The following ARL15 variants were observed in gnomAD, a reference collection of about 807,000 sequenced individuals.
ARL15 encodes the protein ARF like GTPase 15.
ARL15 carries 19 observed loss-of-function variants against 25.2 expected under a neutral mutation model. That is an observed-to-expected ratio of 0.75 (90% CI 0.53 to 1.10). The LOEUF (loss-of-function observed/expected upper bound fraction) is 1.10, where lower values mean the gene tolerates loss of function less well. Ranked by LOEUF, ARL15 falls within the 50% of genes least tolerant of loss-of-function variation. The pLI, the probability that ARL15 is intolerant of heterozygous loss-of-function variation, is 0.00. For synonymous variants in ARL15, 94 were observed against 86.8 expected (o/e 1.08, Z -0.46); for missense variants, 220 against 246.0 (o/e 0.89, Z 0.71).
intron 3 of ARL15, among the ~76,000 whole-genome samples, chr5:54,124,446 C>T (rs548920889): frequency 6.6e-6 from 1 of 152,102 alleles, no homozygotes; most frequent in African/African-American, 2.4e-5. Flanking sequence ...AAATGACTGA[C>T]CACAGAAAAA....
At chr5:54,242,572 C>T (rs948434933) in intron 1 of ARL15, among the ~76,000 whole-genome samples, 8 of 152,158 alleles carry the variant, frequency 5.3e-5, no homozygotes, top group Non-Finnish European at 1.2e-4. Context: ...GTTGAAACTA[C>T]TGGGAACAAA....
At chr5:53,953,027 T>C (rs1379903311) in intron 4 of ARL15, among the ~76,000 whole-genome samples, 2 of 152,242 alleles carry the variant, frequency 1.3e-5, no homozygotes, top group Non-Finnish European at 2.9e-5. Context: ...TTCACTTTAC[T>C]ACGCAGCTCC....
chr5:54,079,892 C>A (rs1243455252), intron 4 of ARL15, among the ~76,000 whole-genome samples: 1 of 151,760 alleles, frequency 6.6e-6, no homozygotes, highest in African/African-American at 2.4e-5. Flanking sequence ...ATCACTTGAA[C>A]CCGGGAGGCG....
intron 4 of ARL15, among the ~76,000 whole-genome samples, chr5:54,098,499 C>T (rs1752350895): frequency 6.6e-6 from 1 of 152,032 alleles, no homozygotes; most frequent in Non-Finnish European, 1.5e-5. Context: ...TGGAACTGCC[C>T]GGGGTTCCCA....
chr5:54,024,498 G>A (rs1749720486), intron 4 of ARL15, among the ~76,000 whole-genome samples: 1 of 152,018 alleles, frequency 6.6e-6, no homozygotes, highest in Non-Finnish European at 1.5e-5. Context: ...ATTAATATCT[G>A]ATACAATTTT....
intron 1 of ARL15, among the ~76,000 whole-genome samples, chr5:54,288,976 G>T (rs1452493208): frequency 6.6e-6 from 1 of 152,174 alleles, no homozygotes; most frequent in African/African-American, 2.4e-5. Context: ...TATTTTGCAA[G>T]GAAGTAAGAG....
intron 4 of ARL15, among the ~76,000 whole-genome samples, chr5:53,926,468 T>C (rs1746028880): frequency 6.6e-6 from 1 of 152,068 alleles, no homozygotes; most frequent in Non-Finnish European, 1.5e-5. Flanking sequence ...AGAATATCTC[T>C]CATTTCTCCC....
At chr5:54,204,933 C>CTTT (rs5867921) in intron 1 of ARL15, among the ~76,000 whole-genome samples, 81,370 of 137,864 alleles carry the variant, frequency 0.59, 24,706 homozygotes, top group African/African-American at 0.66. Flanking sequence ...ATTCCCTTGC[C>CTTT]TTTTTTTTTT....
chr5:53,953,753 A>G (rs1359065731), intron 4 of ARL15, among the ~76,000 whole-genome samples: 2 of 152,196 alleles, frequency 1.3e-5, no homozygotes, highest in South Asian at 4.1e-4. Flanking sequence ...TTCTATATTT[A>G]ATGAGACAAT....
chr5:54,046,693 A>G (rs1241941430), intron 4 of ARL15, among the ~76,000 whole-genome samples: 2 of 152,210 alleles, frequency 1.3e-5, no homozygotes, highest in Non-Finnish European at 2.9e-5. Context: ...TCATGGGTCA[A>G]CAACTGCTGT....
Position 53,886,306 on chromosome 5 carries a change from A to T in ARL15, c.*255T>A. 1 of 375,874 alleles carries T rather than the reference A, an allele frequency of 2.7e-6. No homozygotes were observed. The highest frequency in any genetic ancestry group is 4.8e-6 in the Non-Finnish European group (1 of 208,042). The allele number at this position is 375,874 out of a possible 1,614,324, so 23.3% of individuals were successfully genotyped here. On this transcript the variant is annotated 3_prime_UTR_variant, in exon 5 of 5. Transcript: ENST00000504924. ...AGAGATGCTTAGAACAACAGAAGGA[A>T]GAGACATGCGGGGAAGATAATTAGT...
chr5:54,021,757 T>C (rs771924077), intron 4 of ARL15, among the ~76,000 whole-genome samples: 1 of 152,120 alleles, frequency 6.6e-6, no homozygotes, highest in Non-Finnish European at 1.5e-5. Context: ...CAAAAAGACA[T>C]AATGATTGAA....
intron 4 of ARL15, among the ~76,000 whole-genome samples, chr5:53,998,953 C>T (rs752369938): frequency 1.5e-4 from 23 of 152,032 alleles, no homozygotes; most frequent in African/African-American, 4.4e-4. Context: ...TTTAACATGA[C>T]GATGCTGAAG....
intron 2 of ARL15, among the ~76,000 whole-genome samples, chr5:54,167,927 A>G (rs1234150836): frequency 6.6e-6 from 1 of 152,140 alleles, no homozygotes; most frequent in African/African-American, 2.4e-5. Flanking sequence ...CGTTGTCACC[A>G]CATCCAATGG....
intron 4 of ARL15, among the ~76,000 whole-genome samples, chr5:54,085,799 C>G (rs76205069): frequency 3.9e-4 from 59 of 152,144 alleles, no homozygotes; most frequent in Admixed American, 3.5e-3. Flanking sequence ...TGGTCAGCGC[C>G]ATAGGTGGTA....
intron 4 of ARL15, among the ~76,000 whole-genome samples, chr5:54,017,604 A>C (rs890678004): frequency 5.5e-5 from 7 of 127,470 alleles, no homozygotes; most frequent in African/African-American, 2.1e-4. Flanking sequence ...AAAAAAAAAA[A>C]CCCAAACCAA....
chr5:54,198,834 G>A (rs1000955970), intron 1 of ARL15, among the ~76,000 whole-genome samples: 33 of 151,932 alleles, frequency 2.2e-4, no homozygotes, highest in Admixed American at 2.6e-4. Flanking sequence ...AGCCCGCATC[G>A]CCAAGTCAAT....
At chr5:54,078,203 C>T (rs1404076160) in intron 4 of ARL15, among the ~76,000 whole-genome samples, 1 of 152,164 alleles carries the variant, frequency 6.6e-6, no homozygotes, top group Admixed American at 6.5e-5. Flanking sequence ...TACTGAATCT[C>T]ATCTGCTCCT....
intron 2 of ARL15, among the ~76,000 whole-genome samples, chr5:54,161,998 TACACACAC>T (rs3839223): frequency 3.2e-4 from 46 of 144,636 alleles, no homozygotes; most frequent in South Asian, 4.8e-4. Context: ...CACACACACA[TACACACAC>T]ACACACACAC....
Sources: gnomAD v4.1 joint callset for allele counts (sites outside exome capture counted in the v4.1 genomes callset) on GRCh38, gnomAD v4.1.1 for gene constraint, MANE v1.5 for transcripts, NCBI Gene and HGNC (gene_info 2026-07-23, HGNC 2026-07-21) for gene names.